B3GALT1: variants seen among roughly 807,000 people sequenced by gnomAD.
B3GALT1 encodes the protein UDP-Gal:betaGlcNAc beta 1,3-galactosyltransferase, polypeptide 1.
Under a neutral mutation model 23.2 loss-of-function variants are expected in B3GALT1, and 10 were observed. The ratio of observed to expected loss-of-function variants is 0.43; its 90% CI spans 0.27 to 0.73. The LOEUF (loss-of-function observed/expected upper bound fraction) is 0.73. B3GALT1 is among the 30% of genes least tolerant of loss of function. B3GALT1 has a pLI of 0.21. For missense variants in B3GALT1, 299 were observed against 405.4 expected, an observed-to-expected ratio of 0.74 and a Z score of 2.25; for synonymous variants, 156 against 141.5, an observed-to-expected ratio of 1.10 and a Z score of -0.73.
rs543918001 is a variant in B3GALT1 at position 167,771,066 on chromosome 2, C to T, written c.-351-47606C>T. ...CAGCTGTATATTCAAATTACAGCTC[C>T]GTGTCCTGCTGGCTGTATGTCCTTG... On this transcript the variant is annotated intron_variant, in intron 3 of 4. Coordinates refer to ENST00000392690, the MANE Select transcript of B3GALT1 (RefSeq NM_020981.4). Among the ~76,000 whole-genome samples, 9 of 152,250 alleles carry T rather than the reference C, an allele frequency of 5.9e-5. No individual in the cohort carries two copies. In the East Asian group the frequency reaches 1.4e-3, roughly 23 times the overall value.
intron 2 of B3GALT1, among the ~76,000 whole-genome samples, chr2:167,637,898 C>T (rs1385015459): frequency 3.3e-5 from 5 of 151,584 alleles, no homozygotes; most frequent in Admixed American, 2.0e-4. Flanking sequence ...TGCCTCACCT[C>T]TCTGAAGTCT....
At chr2:167,592,014 G>A (rs1684691137) in intron 2 of B3GALT1, among the ~76,000 whole-genome samples, 1 of 152,132 alleles carries the variant, frequency 6.6e-6, no homozygotes, top group African/African-American at 2.4e-5. Context: ...AAGGTGTAGG[G>A]TTTGAGAGAA....
intron 4 of B3GALT1, among the ~76,000 whole-genome samples, chr2:167,841,687 T>C (rs1689653083): frequency 6.6e-6 from 1 of 152,226 alleles, no homozygotes; most frequent in Middle Eastern, 3.2e-3. Context: ...TGTTTTGTTT[T>C]TTCTTTTAGC....
intron 1 of B3GALT1, among the ~76,000 whole-genome samples, chr2:167,371,509 T>C (rs1319786470): frequency 6.6e-6 from 1 of 152,172 alleles, no homozygotes; most frequent in Non-Finnish European, 1.5e-5. Context: ...TTAGAAACTC[T>C]TACAAATAGA....
chr2:167,532,854 CTTT>C (rs1173819982), intron 2 of B3GALT1, among the ~76,000 whole-genome samples: 2 of 96,454 alleles, frequency 2.1e-5, no homozygotes, highest in Admixed American at 1.2e-4. Context: ...TTTACTGCAT[CTTT>C]TTTTTTTTTT....
At chr2:167,468,597 C>T (rs190237950) in intron 1 of B3GALT1, among the ~76,000 whole-genome samples, 24 of 152,162 alleles carry the variant, frequency 1.6e-4, no homozygotes, top group Admixed American at 3.9e-4. Flanking sequence ...CTTGGCCAGG[C>T]GCGGTGGCTC....
intron 2 of B3GALT1, among the ~76,000 whole-genome samples, chr2:167,583,242 C>T (rs1348440424): frequency 6.6e-6 from 1 of 152,138 alleles, no homozygotes; most frequent in Non-Finnish European, 1.5e-5. Flanking sequence ...CCCCCCTTGT[C>T]CCTTGGATGC....
intron 1 of B3GALT1, among the ~76,000 whole-genome samples, chr2:167,454,225 G>T (rs986425876): frequency 7.2e-6 from 1 of 139,472 alleles, no homozygotes; most frequent in Non-Finnish European, 1.6e-5. Flanking sequence ...ACGCGCGCGT[G>T]CACGTGTGTG....
intron 2 of B3GALT1, among the ~76,000 whole-genome samples, chr2:167,532,256 A>T (rs1288324682): frequency 6.6e-6 from 1 of 152,170 alleles, no homozygotes; most frequent in Non-Finnish European, 1.5e-5. Context: ...CAGGTTCACC[A>T]GCCATTTAAT....
chr2:167,841,291 G>C (rs1364159232), intron 4 of B3GALT1, among the ~76,000 whole-genome samples: 3 of 151,362 alleles, frequency 2.0e-5, no homozygotes, highest in East Asian at 3.9e-4. Context: ...CAGGGTGTTA[G>C]AGCACAATAC....
At position 167,380,716 on chromosome 2, in the gene B3GALT1, C is replaced by T. The variant is rs1304055525; in HGVS notation, c.-511+87382C>T. Among the ~76,000 whole-genome samples the T allele has an allele frequency of 3.3e-5, 5 of 152,156 alleles. No homozygotes were observed. The South Asian group carries it at 6.2e-4, about 19-fold the overall frequency. ...GCCTCTCCCCAAGTTTGTTCCAGGG[C>T]GTGGGAGAAACAAAGTGCTCTCCCT... On this transcript the variant is annotated intron_variant, in intron 1 of 4. Coordinates refer to ENST00000392690, the MANE Select transcript of B3GALT1 (RefSeq NM_020981.4).
chr2:167,703,024 G>C (rs552766274), intron 3 of B3GALT1, among the ~76,000 whole-genome samples: 1 of 152,166 alleles, frequency 6.6e-6, no homozygotes, highest in Non-Finnish European at 1.5e-5. Context: ...TCTATTTCTA[G>C]AGAGTGAATG....
intron 2 of B3GALT1, among the ~76,000 whole-genome samples, chr2:167,520,565 T>G (rs1489998242): frequency 6.6e-6 from 1 of 152,120 alleles, no homozygotes; most frequent in African/African-American, 2.4e-5. Flanking sequence ...CTCAGGAAAG[T>G]CAACAGCGAA....
At chr2:167,798,023 TG>T (rs1269330688) in intron 3 of B3GALT1, among the ~76,000 whole-genome samples, 1 of 152,214 alleles carries the variant, frequency 6.6e-6, no homozygotes, top group Non-Finnish European at 1.5e-5. Flanking sequence ...GGTTTTGGTT[TG>T]CATTTCTCTA....
intron 4 of B3GALT1, among the ~76,000 whole-genome samples, chr2:167,836,200 GAGA>G (rs1249032930): frequency 2.0e-5 from 3 of 152,210 alleles, no homozygotes; most frequent in Non-Finnish European, 2.9e-5. Context: ...GACAAGTTGA[GAGA>G]AGAAGGCTTC....
At chr2:167,325,023 C>T (rs1191073297) in intron 1 of B3GALT1, among the ~76,000 whole-genome samples, 2 of 152,072 alleles carry the variant, frequency 1.3e-5, no homozygotes, top group Non-Finnish European at 2.9e-5. Flanking sequence ...ATCTCTAGTT[C>T]CATACATGTT....
At chr2:167,616,194 T>C (rs900532602) in intron 2 of B3GALT1, among the ~76,000 whole-genome samples, 1 of 152,086 alleles carries the variant, frequency 6.6e-6, no homozygotes, top group African/African-American at 2.4e-5. Flanking sequence ...TTCAAAGCAG[T>C]AATGATTCAA....
chr2:167,566,630 G>T (rs1166073917), intron 2 of B3GALT1, among the ~76,000 whole-genome samples: 1 of 152,124 alleles, frequency 6.6e-6, no homozygotes, highest in Non-Finnish European at 1.5e-5. Flanking sequence ...TGAAGTTATG[G>T]AGTTTGCTAA....
intron 3 of B3GALT1, among the ~76,000 whole-genome samples, chr2:167,720,753 C>G (rs1207008266): frequency 6.6e-6 from 1 of 152,130 alleles, no homozygotes; most frequent in African/African-American, 2.4e-5. Flanking sequence ...AGAAAATACC[C>G]CTGCTACACA....
Sources: allele counts gnomAD v4.1 joint callset (sites outside exome capture counted in the v4.1 genomes callset), GRCh38; gene constraint gnomAD v4.1.1; transcripts MANE v1.5; gene names NCBI Gene and HGNC (gene_info 2026-07-23, HGNC 2026-07-21).